The following EEF1AKMT2 variants were observed in gnomAD, a reference collection of about 807,000 sequenced individuals.
The protein encoded by EEF1AKMT2 is EEF1A lysine methyltransferase 2.
A neutral mutation model predicts 35.8 loss-of-function variants in EEF1AKMT2; 32 were observed. The ratio of observed to expected loss-of-function variants is 0.89; its 90% CI spans 0.67 to 1.20. The LOEUF (loss-of-function observed/expected upper bound fraction) is 1.20, where lower values mean the gene tolerates loss of function less well. EEF1AKMT2 is among the 50% of genes most tolerant of loss of function. The probability of loss-of-function intolerance (pLI) is 0.00; values close to 1 mark genes in which losing one functional copy is unlikely to be tolerated. For synonymous variants in EEF1AKMT2, 121 were observed against 133.7 expected, an observed-to-expected ratio of 0.91 and a Z score of 0.65; for missense variants, 330 against 347.5, an observed-to-expected ratio of 0.95 and a Z score of 0.40.
rs764543295 is a variant in EEF1AKMT2, at chr10:124,776,525, C to T, written c.292-1743G>A. ...AAACAGGGCCAGACACGGTGGCTCACGCCTATAATCCTAGCACTCTGGGAG... is the reference window on the plus strand; with the variant it reads ...AAACAGGGCCAGACACGGTGGCTCATGCCTATAATCCTAGCACTCTGGGAG... On this transcript the variant is annotated intron_variant, in intron 3 of 6. Transcript: ENST00000368836. Among the ~76,000 whole-genome samples, 285 of 152,272 alleles carry T rather than the reference C, an allele frequency of 1.9e-3. 3 individuals carry two copies. Among genetic ancestry groups the T allele is most frequent in the Middle Eastern group, 3.4e-3 (1 of 294 alleles).
intron 6 of EEF1AKMT2, among the ~76,000 whole-genome samples, chr10:124,761,418 T>A (rs926807959): frequency 2.7e-5 from 4 of 149,698 alleles, no homozygotes; most frequent in African/African-American, 1.0e-4. Flanking sequence ...GTATGTTATG[T>A]GTATTTCAGC....
At chr10:124,779,767 A>AG (rs1490858122) in intron 3 of EEF1AKMT2, among the ~76,000 whole-genome samples, 1 of 144,748 alleles carries the variant, frequency 6.9e-6, no homozygotes, top group Non-Finnish European at 1.5e-5. Flanking sequence ...AAAAAAAAAA[A>AG]AAAGAAACAG....
intron 3 of EEF1AKMT2, among the ~76,000 whole-genome samples, chr10:124,784,511 G>A (rs1405565067): frequency 6.6e-6 from 1 of 151,484 alleles, no homozygotes; most frequent in Non-Finnish European, 1.5e-5. Flanking sequence ...AGCATTCATA[G>A]CATTAAATAA....
downstream of EEF1AKMT2, among the ~76,000 whole-genome samples, chr10:124,757,290 G>A (rs75317288): frequency 0.01 from 1,542 of 151,540 alleles, 6 homozygotes; most frequent in Non-Finnish European, 0.017. Flanking sequence ...GCACATACAC[G>A]TTAGCTTACA....
chr10:124,787,433 CAAAAAAA>C (rs398015024), intron 3 of EEF1AKMT2, among the ~76,000 whole-genome samples: 1 of 37,434 alleles, frequency 2.7e-5, no homozygotes, highest in Non-Finnish European at 4.2e-5. Context: ...GACTCTGTCT[CAAAAAAA>C]AAAAAAAAAA....
intron 4 of EEF1AKMT2, among the ~76,000 whole-genome samples, chr10:124,770,368 A>C (rs987359031): frequency 6.6e-6 from 1 of 152,180 alleles, no homozygotes; most frequent in African/African-American, 2.4e-5. Flanking sequence ...AAGTGAGCCA[A>C]GATCACACCA....
intron 4 of EEF1AKMT2, among the ~76,000 whole-genome samples, chr10:124,771,117 TGA>T (rs2134127516): frequency 6.6e-6 from 1 of 152,046 alleles, no homozygotes; most frequent in South Asian, 2.1e-4. Flanking sequence ...TTTTTTTTTT[TGA>T]GACAGAGTCT....
intron 3 of EEF1AKMT2, among the ~76,000 whole-genome samples, chr10:124,777,538 A>G (rs1186023244): frequency 6.8e-6 from 1 of 146,020 alleles, no homozygotes; most frequent in African/African-American, 2.5e-5. Flanking sequence ...TTTTTTTTTG[A>G]GACAGGGTCT....
At chr10:124,791,341 C>T (rs1304888475) in intron 1 of EEF1AKMT2, among the ~76,000 whole-genome samples, 2 of 152,016 alleles carry the variant, frequency 1.3e-5, no homozygotes, top group Admixed American at 6.6e-5. Context: ...TCAGCCTTTT[C>T]GGCTCCCAGG....
chr10:124,787,760 G>T (rs541892121), intron 3 of EEF1AKMT2, among the ~76,000 whole-genome samples: 2 of 151,776 alleles, frequency 1.3e-5, no homozygotes, highest in South Asian at 2.1e-4. Flanking sequence ...GAAGAAAGGA[G>T]TAATAATTGG....
chr10:124,789,662 GGA>G (rs1288679046), intron 2 of EEF1AKMT2, among the ~76,000 whole-genome samples: 1 of 151,442 alleles, frequency 6.6e-6, no homozygotes, highest in Non-Finnish European at 1.5e-5. Context: ...GGCTGTGGCG[GGA>G]GGATCACCTG....
At chr10:124,782,458 T>C (rs1950549209) in intron 3 of EEF1AKMT2, among the ~76,000 whole-genome samples, 1 of 151,330 alleles carries the variant, frequency 6.6e-6, no homozygotes, top group Admixed American at 6.6e-5. Context: ...AGCGGGCGCC[T>C]GTAGTCCCAG....
chr10:124,767,848 T>A (rs905097455), intron 4 of EEF1AKMT2, among the ~76,000 whole-genome samples: 4 of 151,864 alleles, frequency 2.6e-5, no homozygotes, highest in African/African-American at 9.7e-5. Flanking sequence ...TAGCTGGGCG[T>A]GGTGGCGCAT....
chr10:124,780,370 C>A (rs1261272618), intron 3 of EEF1AKMT2, among the ~76,000 whole-genome samples: 3 of 152,080 alleles, frequency 2.0e-5, no homozygotes, highest in African/African-American at 4.8e-5. Context: ...TTGTGAAAAA[C>A]CATTCAGACA....
At chr10:124,768,769 A>C (rs1439531722) in intron 4 of EEF1AKMT2, among the ~76,000 whole-genome samples, 1 of 151,686 alleles carries the variant, frequency 6.6e-6, no homozygotes. Context: ...CAAAGAAAAA[A>C]TCACTCTGGC....
intron 3 of EEF1AKMT2, among the ~76,000 whole-genome samples, chr10:124,787,688 A>G (rs556315599): frequency 9.9e-5 from 15 of 151,972 alleles, no homozygotes; most frequent in Admixed American, 9.8e-4. Flanking sequence ...TGAGGCTACA[A>G]TGTGCCATGA....
At chr10:124,776,898 A>T (rs1950492150) in intron 3 of EEF1AKMT2, among the ~76,000 whole-genome samples, 1 of 152,154 alleles carries the variant, frequency 6.6e-6, no homozygotes, top group Admixed American at 6.6e-5. Context: ...ATAAAAAAAA[A>T]ATCAGCAAAG....
rs139142883 is a variant in EEF1AKMT2 at position 124,776,250 on chromosome 10, G to A, written c.292-1468C>T. Among the ~76,000 whole-genome samples, 3 of 152,182 alleles carry A rather than the reference G, an allele frequency of 2.0e-5. No homozygotes were observed. In the East Asian group the frequency reaches 5.8e-4, roughly 29 times the overall value. On this transcript the variant is annotated intron_variant, in intron 3 of 6. Transcript: ENST00000368836. ...ATAAAAATCACAAATAGATGTTTTA[G>A]GTTTCTAGAGATATCACTCAGGGCC...
intron 3 of EEF1AKMT2, among the ~76,000 whole-genome samples, chr10:124,775,475 C>A (rs1045062434): frequency 2.0e-5 from 3 of 152,112 alleles, no homozygotes; most frequent in Non-Finnish European, 4.4e-5. Flanking sequence ...TTTACACACC[C>A]CCTAACAACA....
Sources: allele counts gnomAD v4.1 joint callset (sites outside exome capture counted in the v4.1 genomes callset), GRCh38; gene constraint gnomAD v4.1.1; transcripts MANE v1.5; gene names NCBI Gene and HGNC (gene_info 2026-07-23, HGNC 2026-07-21).